The following LRRC4C variants were observed in gnomAD, a reference collection of about 807,000 sequenced individuals.
The protein encoded by LRRC4C is leucine rich repeat containing 4C, also known as leucine-rich repeat-containing protein 4C.
LRRC4C carries 5 observed loss-of-function variants against 33.6 expected under a neutral mutation model. That is an observed-to-expected ratio of 0.15 (90% CI 0.08 to 0.31). The LOEUF (loss-of-function observed/expected upper bound fraction) is 0.31. LRRC4C is among the 10% of genes least tolerant of loss of function. The probability of loss-of-function intolerance (pLI) is 1.00; values close to 1 mark genes in which losing one functional copy is unlikely to be tolerated. For missense variants in LRRC4C, 560 were observed against 796.7 expected (o/e 0.70, Z 3.58); for synonymous variants, 329 against 302.0 (o/e 1.09, Z -0.93).
chr11:40,334,350 G>A (rs1347032507), intron 3 of LRRC4C, among the ~76,000 whole-genome samples: 1 of 152,004 alleles, frequency 6.6e-6, no homozygotes, highest in African/African-American at 2.4e-5. Context: ...GTAAGCCAAT[G>A]GGTACTATTA....
chr11:40,591,433 C>T (rs901388138), intron 3 of LRRC4C, among the ~76,000 whole-genome samples: 53 of 152,248 alleles, frequency 3.5e-4, no homozygotes, highest in Middle Eastern at 3.4e-3. Flanking sequence ...AGAAATCACC[C>T]GTCTTCTGCA....
intron 4 of LRRC4C, among the ~76,000 whole-genome samples, chr11:40,266,339 C>A (rs1389496979): frequency 6.6e-6 from 1 of 151,502 alleles, no homozygotes; most frequent in Non-Finnish European, 1.5e-5. Flanking sequence ...AAGAAGGCGG[C>A]GGCGAATGTG....
At chr11:40,582,666 G>A (rs945505853) in intron 3 of LRRC4C, among the ~76,000 whole-genome samples, 3 of 151,668 alleles carry the variant, frequency 2.0e-5, no homozygotes, top group South Asian at 2.1e-4. Context: ...ACAGGTACAC[G>A]CCACCATGCC....
intron 2 of LRRC4C, among the ~76,000 whole-genome samples, chr11:40,720,863 T>C (rs941006768): frequency 1.8e-4 from 27 of 152,082 alleles, no homozygotes; most frequent in African/African-American, 6.3e-4. Context: ...TTTTCAGAGG[T>C]GAGATTTCAA....
At chr11:40,595,612 G>A (rs780398808) in intron 3 of LRRC4C, among the ~76,000 whole-genome samples, 33 of 151,200 alleles carry the variant, frequency 2.2e-4, no homozygotes, top group Admixed American at 3.3e-4. Flanking sequence ...TGGTATTTTC[G>A]TAATATATTA....
intron 1 of LRRC4C, among the ~76,000 whole-genome samples, chr11:41,045,158 G>A (rs1424279642): frequency 1.3e-5 from 2 of 151,816 alleles, no homozygotes; most frequent in Non-Finnish European, 2.9e-5. Flanking sequence ...TTATGATAAG[G>A]CAAAGAATAT....
chr11:40,373,852 C>T (rs1948557809), intron 3 of LRRC4C, among the ~76,000 whole-genome samples: 1 of 152,158 alleles, frequency 6.6e-6, no homozygotes, highest in African/African-American at 2.4e-5. Context: ...CAGTCCTCAT[C>T]AGAAGCAAAG....
At chr11:40,482,335 G>A (rs1268343079) in intron 3 of LRRC4C, among the ~76,000 whole-genome samples, 1 of 152,110 alleles carries the variant, frequency 6.6e-6, no homozygotes, top group Non-Finnish European at 1.5e-5. Context: ...TAGGAGGCAA[G>A]TTTAATCCTT....
At chr11:40,944,593 G>A (rs1958306636) in intron 1 of LRRC4C, among the ~76,000 whole-genome samples, 1 of 152,168 alleles carries the variant, frequency 6.6e-6, no homozygotes, top group South Asian at 2.1e-4. Context: ...AGTGACATGG[G>A]TTCTTGAACT....
chr11:40,473,973 A>G (rs555606672), intron 3 of LRRC4C, among the ~76,000 whole-genome samples: 303 of 152,276 alleles, frequency 2.0e-3, no homozygotes, highest in African/African-American at 6.2e-3. Context: ...AAACGGAAAA[A>G]CGTTCCATGG....
rs77083981 is a variant in LRRC4C, at chr11:40,842,759, C to A, written c.-407+90876G>T. 4.7e-3 allele frequency among the ~76,000 whole-genome samples: 717 copies of A among 152,072 alleles called. 3 individuals carry two copies. The highest frequency in any genetic ancestry group is 0.016 in the African/African-American group (680 of 41,492). On this transcript the variant is annotated intron_variant, in intron 2 of 6. Transcript: ENST00000528697. ...TATAATCTAAGGTTAATAGTAGAAC[C>A]GTGGTTCTCAAGTGGGTCCTAGATC...
intron 1 of LRRC4C, among the ~76,000 whole-genome samples, chr11:41,169,078 C>T (rs1044064161): frequency 6.6e-6 from 1 of 152,132 alleles, no homozygotes; most frequent in Non-Finnish European, 1.5e-5. Context: ...TTTTTAAGAG[C>T]TACTATTCAA....
At chr11:40,196,530 C>G (rs533415284) in intron 5 of LRRC4C, among the ~76,000 whole-genome samples, 193 of 152,322 alleles carry the variant, frequency 1.3e-3, no homozygotes, top group Non-Finnish European at 2.4e-3. Flanking sequence ...CCTTTCAATT[C>G]CCTCTCCTAC....
At chr11:40,478,538 C>A (rs558941927) in intron 3 of LRRC4C, among the ~76,000 whole-genome samples, 4 of 152,058 alleles carry the variant, frequency 2.6e-5, no homozygotes, top group African/African-American at 9.6e-5. Context: ...GTTTATTTTC[C>A]CATTCTGGTT....
chr11:40,382,676 T>C lies in LRRC4C; in HGVS notation c.-269-62955A>G, dbSNP rs200036208. ...GGACTTCATTTTGCACAACTAAAAC[T>C]TGTACTCATTTTTTTTTTTTTTTTT... On this transcript the variant is annotated intron_variant, in intron 3 of 6. Coordinates refer to ENST00000528697, the MANE Select transcript of LRRC4C (RefSeq NM_001258419.2). Among the ~76,000 whole-genome samples the C allele has an allele frequency of 5.5e-5, 3 of 54,234 alleles. No homozygotes were observed. The South Asian group carries it at 2.4e-3, about 43-fold the overall frequency. The allele number at this position is 54,234 out of a possible 152,430, so 35.6% of individuals were successfully genotyped here. A position where few individuals can be genotyped will look rare whatever the true frequency, so the allele number is the denominator to read the frequency against.
Position 40,115,218 on chromosome 11 carries a change from G to A in LRRC4C, c.1075C>T (p.Pro359Ser), listed in dbSNP as rs908611922. The A allele has an allele frequency of 6.2e-7, 1 of 1,614,146 alleles. No homozygotes were observed. The highest frequency in any genetic ancestry group is 8.5e-7 in the Non-Finnish European group (1 of 1,180,038). ...TCAGTGACATTGAGGTCTGCAGGGG[G>A]CTCCACAATCACCGGAGCATAGCAT... ...FTCYAPVIVE[P>S]PADLNVTEGM... Residue 359 changes from proline (P) to serine (S), a missense_variant, in exon 7 of 7, where the codon CCC (proline) becomes TCC (serine). Physicochemically the swap from Pro to Ser is moderately conservative, Grantham distance 74. Coordinates refer to ENST00000528697, the MANE Select transcript of LRRC4C (RefSeq NM_001258419.2). The surrounding 1 kb of genome is among the most constrained non-coding windows in gnomAD (Gnocchi z 6.7).
intron 1 of LRRC4C, among the ~76,000 whole-genome samples, chr11:40,938,237 G>A (rs1317547059): frequency 6.6e-6 from 1 of 152,108 alleles, no homozygotes; most frequent in Non-Finnish European, 1.5e-5. Context: ...TATTCTGGCA[G>A]GAAAGAAAAC....
chr11:40,352,738 C>T lies in LRRC4C; in HGVS notation c.-269-33017G>A, dbSNP rs575984228. ...TCTTTTTCTTTCAGATTGGAGAACTCCCTTTAGCATTTCTTGCAGGATAGT... is the reference window on the plus strand; with the variant it reads ...TCTTTTTCTTTCAGATTGGAGAACTTCCTTTAGCATTTCTTGCAGGATAGT... On this transcript the variant is annotated intron_variant, in intron 3 of 6. Transcript: ENST00000528697. 2.6e-5 allele frequency among the ~76,000 whole-genome samples: 4 copies of T among 152,220 alleles called. No individual in the cohort carries two copies. The South Asian group carries it at 8.3e-4, about 32-fold the overall frequency.
intron 5 of LRRC4C, among the ~76,000 whole-genome samples, chr11:40,178,199 C>G (rs575528085): frequency 6.6e-6 from 1 of 152,112 alleles, no homozygotes; most frequent in South Asian, 2.1e-4. Flanking sequence ...AGAAATAAAG[C>G]GAGCTTCCAA....
Sources: gnomAD v4.1 joint callset for allele counts (sites outside exome capture counted in the v4.1 genomes callset) on GRCh38, gnomAD v4.1.1 for gene constraint, Gnocchi (gnomAD v3.1) non-coding constraint, MANE v1.5 for transcripts, NCBI Gene and HGNC (gene_info 2026-07-23, HGNC 2026-07-21) for gene names.